DIS3L2: variants seen among roughly 807,000 people sequenced by gnomAD.
DIS3L2 encodes the protein DIS3-like exonuclease 2.
DIS3L2 carries 34 observed loss-of-function variants against 97.5 expected under a neutral mutation model. That is an observed-to-expected ratio of 0.35 (90% CI 0.27 to 0.46). The LOEUF is 0.46. Among genes scored for constraint, DIS3L2 ranks in the 20% least tolerant of loss-of-function variants. The pLI is 1.00. For missense variants in DIS3L2, 1,038 were observed against 1,146.0 expected, an observed-to-expected ratio of 0.91 and a Z score of 1.36; for synonymous variants, 435 against 445.2, an observed-to-expected ratio of 0.98 and a Z score of 0.29.
rs1030340563 is a variant in DIS3L2 at position 231,982,288 on chromosome 2, G to C, written c.-94+20523G>C. Among the ~76,000 whole-genome samples, 3 of 152,044 alleles carry C rather than the reference G, an allele frequency of 2.0e-5. No individual in the cohort carries two copies. The East Asian group carries it at 5.8e-4, about 29-fold the overall frequency. On this transcript the variant is annotated intron_variant, in intron 1 of 20. Transcript: ENST00000325385. Reference sequence around the variant, plus strand: ...CTGTATTCTTTGCTTTCCTTACTTGGCTTTGCAATCTAGAATACACTTACT... The same window carrying C: ...CTGTATTCTTTGCTTTCCTTACTTGCCTTTGCAATCTAGAATACACTTACT...
chr2:232,133,140 A>T (rs1252083576), intron 7 of DIS3L2, among the ~76,000 whole-genome samples: 5 of 152,168 alleles, frequency 3.3e-5, no homozygotes, highest in Non-Finnish European at 7.4e-5. Flanking sequence ...GCACCAATAA[A>T]GGTGATCCTG....
At chr2:232,156,366 T>G (rs868561549) in intron 8 of DIS3L2, among the ~76,000 whole-genome samples, 1 of 152,216 alleles carries the variant, frequency 6.6e-6, no homozygotes, top group Non-Finnish European at 1.5e-5. Context: ...GCTCTTGTTT[T>G]ATAAAGCTTA....
chr2:232,303,189 G>A (rs1383868389), intron 14 of DIS3L2, among the ~76,000 whole-genome samples: 1 of 152,172 alleles, frequency 6.6e-6, no homozygotes, highest in Non-Finnish European at 1.5e-5. Context: ...ACGACGCTCT[G>A]TCAAAGGCAG....
At chr2:232,323,063 C>T (rs577484434) in intron 14 of DIS3L2, among the ~76,000 whole-genome samples, 3 of 152,354 alleles carry the variant, frequency 2.0e-5, no homozygotes, top group Middle Eastern at 3.4e-3. Context: ...GTGCCCGTGC[C>T]ACCCCTCCTC....
At chr2:232,009,656 C>T (rs1427043566) in intron 1 of DIS3L2, among the ~76,000 whole-genome samples, 2 of 152,160 alleles carry the variant, frequency 1.3e-5, no homozygotes, top group African/African-American at 2.4e-5. Flanking sequence ...TTTACTTTCT[C>T]CATTTGCAAG....
rs36151054 is a variant in DIS3L2, at chr2:231,966,641, ATTTTTTTTTTTTTTTTTTT to A, written c.-94+4892_-94+4910del. ...CACCATGCCCAGCTAGTTAAAAAAC[ATTTTTTTTTTTTTTTTTTT>A]TTTTTTTTTTTTTTTGTGGAGACAG... On this transcript the variant is annotated intron_variant, in intron 1 of 20. Coordinates refer to ENST00000325385, the MANE Select transcript of DIS3L2 (RefSeq NM_152383.5). Among the ~76,000 whole-genome samples, 6 of 50,358 alleles carry A rather than the reference ATTTTTTTTTTTTTTTTTTT, an allele frequency of 1.2e-4. No homozygotes were observed. In the South Asian group the frequency reaches 3.1e-3, roughly 26 times the overall value. The allele number at this position is 50,358 out of a possible 152,430, so 33.0% of individuals were successfully genotyped here.
At chr2:232,130,882 A>G (rs1229981819) in intron 7 of DIS3L2, 163 bp downstream of exon 7, 1 of 1,046,872 alleles carries the variant, frequency 9.6e-7, no homozygotes, top group Admixed American at 3.6e-5. Context: ...CTTTAAACAT[A>G]TAAATACGAA....
chr2:231,995,280 G>A (rs746937474), intron 1 of DIS3L2, among the ~76,000 whole-genome samples: 7 of 152,140 alleles, frequency 4.6e-5, no homozygotes, highest in Non-Finnish European at 1.0e-4. Context: ...TCTGAGAGGA[G>A]TTTTTGGTTC....
At chr2:232,078,005 CTTTCTTTCTT>C (rs1168838794) in intron 5 of DIS3L2, among the ~76,000 whole-genome samples, 1 of 119,068 alleles carries the variant, frequency 8.4e-6, no homozygotes, top group Non-Finnish European at 1.8e-5. Flanking sequence ...TTCTTTCTTT[CTTTCTTTCTT>C]TCTTTTTCTC....
intron 1 of DIS3L2, among the ~76,000 whole-genome samples, chr2:231,985,607 G>A (rs539696222): frequency 1.3e-5 from 2 of 152,274 alleles, no homozygotes; most frequent in South Asian, 4.1e-4. Context: ...AGACTCATCT[G>A]TTGGTAACAT....
At chr2:232,257,454 T>C (rs77460340) in intron 12 of DIS3L2, among the ~76,000 whole-genome samples, 3,314 of 152,278 alleles carry the variant, frequency 0.022, 116 homozygotes, top group African/African-American at 0.074. Flanking sequence ...CTAAGGATGA[T>C]TGCCCTGTTT....
chr2:231,996,440 A>G (rs1326054653), intron 1 of DIS3L2, among the ~76,000 whole-genome samples: 2 of 152,232 alleles, frequency 1.3e-5, no homozygotes, highest in Non-Finnish European at 2.9e-5. Flanking sequence ...CTGAAGAGGT[A>G]AGAGCCCAGC....
Position 232,130,680 on chromosome 2 carries a change from A to T in DIS3L2, c.663A>T (p.Thr221=). Residue 221 remains threonine, a synonymous_variant, in exon 7 of 21, where the codon ACA becomes ACT. Transcript: ENST00000325385. Reference sequence around the variant, plus strand: ...AGACCACCTGCATTTCACAAGACACAAGAGCTTTATCGGAGAAATCCCTGC... The same window carrying T: ...AGACCACCTGCATTTCACAAGACACTAGAGCTTTATCGGAGAAATCCCTGC... ...KDETTCISQD[T]RALSEKSLQR... 1 of 1,614,002 alleles carries T rather than the reference A, an allele frequency of 6.2e-7. No individual in the cohort carries two copies. The highest frequency in any genetic ancestry group is 8.5e-7 in the Non-Finnish European group (1 of 1,179,928).
chr2:232,186,900 G>T (rs1380953384), intron 9 of DIS3L2, among the ~76,000 whole-genome samples: 1 of 152,146 alleles, frequency 6.6e-6, no homozygotes, highest in Non-Finnish European at 1.5e-5. Context: ...AGTGACCTTG[G>T]ATTGGCCAAG....
intron 8 of DIS3L2, among the ~76,000 whole-genome samples, chr2:232,139,117 A>G (rs1698439597): frequency 6.6e-6 from 1 of 152,226 alleles, no homozygotes; most frequent in African/African-American, 2.4e-5. Context: ...ACTAATTTAA[A>G]TAAAAGTAGA....
At chr2:232,018,300 A>G (rs1694411901) in intron 3 of DIS3L2, among the ~76,000 whole-genome samples, 1 of 152,184 alleles carries the variant, frequency 6.6e-6, no homozygotes. Context: ...AACAACTCTA[A>G]TTCCCAGGAG....
chr2:232,162,592 A>T (rs1040163779), intron 8 of DIS3L2, among the ~76,000 whole-genome samples: 1 of 152,266 alleles, frequency 6.6e-6, no homozygotes, highest in African/African-American at 2.4e-5. Flanking sequence ...TTTCTTGCAG[A>T]AAGTGCTGAG....
chr2:232,278,181 C>T (rs1694194238), intron 13 of DIS3L2, among the ~76,000 whole-genome samples: 1 of 152,006 alleles, frequency 6.6e-6, no homozygotes, highest in African/African-American at 2.4e-5. Flanking sequence ...CTTGTGGGCT[C>T]AATCAACTCT....
At chr2:232,203,907 A>G (rs973490507) in intron 9 of DIS3L2, among the ~76,000 whole-genome samples, 1 of 152,202 alleles carries the variant, frequency 6.6e-6, no homozygotes, top group African/African-American at 2.4e-5. Flanking sequence ...CACAAACAAC[A>G]TTTCAGAAAG....
Sources: allele counts gnomAD v4.1 joint callset (sites outside exome capture counted in the v4.1 genomes callset), GRCh38; gene constraint gnomAD v4.1.1; transcripts MANE v1.5; gene names NCBI Gene and HGNC (gene_info 2026-07-23, HGNC 2026-07-21).